The following DNAJB6 variants were observed in gnomAD, a reference collection of about 807,000 sequenced individuals.
DNAJB6 encodes the protein DnaJ heat shock protein family (Hsp40) member B6, also known as dnaJ homolog subfamily B member 6.
A neutral mutation model predicts 42.7 loss-of-function variants in DNAJB6; 16 were observed. That is an observed-to-expected ratio of 0.37 (90% CI 0.25 to 0.57). The LOEUF (loss-of-function observed/expected upper bound fraction) is 0.57, where lower values mean the gene tolerates loss of function less well. Ranked by LOEUF, DNAJB6 falls within the 20% of genes least tolerant of loss-of-function variation. The pLI, the probability that DNAJB6 is intolerant of heterozygous loss-of-function variation, is 0.74. For synonymous variants in DNAJB6, 170 were observed against 163.5 expected (o/e 1.04, Z -0.30); for missense variants, 347 against 416.8 (o/e 0.83, Z 1.46).
At chr7:157,344,019 T>C (rs899852344) in intron 1 of DNAJB6, among the ~76,000 whole-genome samples, 2 of 152,152 alleles carry the variant, frequency 1.3e-5, no homozygotes, top group African/African-American at 4.8e-5. Context: ...GTTAATAGTT[T>C]AAAGAAGTTT....
At chr7:157,369,095 A>G in intron 5 of DNAJB6, 1 of 365,146 alleles carries the variant, frequency 2.7e-6, no homozygotes, top group East Asian at 7.3e-5. Context: ...AAGCATTTTC[A>G]GGGAAACTGA....
intron 1 of DNAJB6, among the ~76,000 whole-genome samples, chr7:157,346,864 T>C (rs867079168): frequency 6.6e-6 from 1 of 151,020 alleles, no homozygotes; most frequent in Middle Eastern, 3.4e-3. Context: ...CTTTTTTTTC[T>C]TGTTTTCTTG....
rs1437799511 is a variant in DNAJB6, at chr7:157,382,378, G to T, written c.478+1G>T. 8 of 1,605,514 alleles carry T rather than the reference G, an allele frequency of 5.0e-6. No individual in the cohort carries two copies. The highest frequency in any genetic ancestry group is 1.3e-5 in the African/African-American group (1 of 74,140). Reference sequence around the variant, plus strand: ...AGTGGATTTTCTTCTTTTGATACAGGTATTAAATCCCTAGGTTTAATCTCT... The same window carrying T: ...AGTGGATTTTCTTCTTTTGATACAGTTATTAAATCCCTAGGTTTAATCTCT... On this transcript the variant is annotated splice_donor_variant, in intron 6 of 9. Coordinates refer to ENST00000262177, the MANE Select transcript of DNAJB6 (RefSeq NM_058246.4). LOFTEE classifies it high-confidence loss of function.
chr7:157,406,321 T>A (rs775132336), intron 8 of DNAJB6, among the ~76,000 whole-genome samples: 12 of 152,220 alleles, frequency 7.9e-5, no homozygotes, highest in Non-Finnish European at 1.5e-4. Flanking sequence ...TCATCTTCTT[T>A]CCTCAAGTCA....
At chr7:157,400,238 G>A (rs1801784476) in intron 8 of DNAJB6, among the ~76,000 whole-genome samples, 1 of 149,904 alleles carries the variant, frequency 6.7e-6, no homozygotes, top group African/African-American at 2.5e-5. Flanking sequence ...GCGCCTTTGT[G>A]TATGTGCTCG....
At chr7:157,397,424 A>G (rs1279937840) in intron 8 of DNAJB6, among the ~76,000 whole-genome samples, 4 of 152,192 alleles carry the variant, frequency 2.6e-5, no homozygotes, top group Admixed American at 2.0e-4. Context: ...TGGTGTGTTC[A>G]GCTCTGACAT....
intron 8 of DNAJB6, among the ~76,000 whole-genome samples, chr7:157,395,773 C>T (rs1368014306): frequency 5.3e-5 from 8 of 150,542 alleles, no homozygotes; most frequent in African/African-American, 1.5e-4. Context: ...CAACCTCTGC[C>T]TCCCTAGTAG....
intron 2 of DNAJB6, among the ~76,000 whole-genome samples, chr7:157,361,778 A>C (rs149732756): frequency 6.6e-6 from 1 of 151,840 alleles, no homozygotes; most frequent in Non-Finnish European, 1.5e-5. Flanking sequence ...TCATTCATGC[A>C]TTCATGTTGA....
chr7:157,398,040 C>T (rs1000710134), intron 8 of DNAJB6, among the ~76,000 whole-genome samples: 5 of 152,240 alleles, frequency 3.3e-5, no homozygotes, highest in Non-Finnish European at 7.3e-5. Flanking sequence ...GTTCAGCCTT[C>T]GTACCTGCTC....
At chr7:157,382,683 G>A (rs976908651) in intron 6 of DNAJB6, 1 of 182,636 alleles carries the variant, frequency 5.5e-6, no homozygotes, top group African/African-American at 2.4e-5. Context: ...AAGTAACGCA[G>A]TTGGAAAATC....
chr7:157,381,996 G>C (rs1800803750), intron 5 of DNAJB6: 1 of 326,338 alleles, frequency 3.1e-6, no homozygotes. Flanking sequence ...TGTATGTGCT[G>C]TTTTTTTAAT....
chr7:157,387,498 A>G (rs1801128402), intron 8 of DNAJB6, among the ~76,000 whole-genome samples: 1 of 152,236 alleles, frequency 6.6e-6, no homozygotes, highest in African/African-American at 2.4e-5. Flanking sequence ...AGATACTTGG[A>G]CTAAGGCGTT....
At chr7:157,348,187 G>A (rs1169423411) in intron 1 of DNAJB6, among the ~76,000 whole-genome samples, 5 of 151,518 alleles carry the variant, frequency 3.3e-5, no homozygotes, top group South Asian at 4.2e-4. Context: ...CTGCCTCCCG[G>A]GTTCAAGCGA....
chr7:157,385,513 G>T (rs979837703), intron 7 of DNAJB6, 28 bp from the exon 8 acceptor site: 2 of 1,607,464 alleles, frequency 1.2e-6, no homozygotes, highest in African/African-American at 1.3e-5. Flanking sequence ...TTACCAGAAA[G>T]GTTTTTAAAT....
chr7:157,386,020 A>G (rs1256172548), intron 8 of DNAJB6: 2 of 993,654 alleles, frequency 2.0e-6, no homozygotes, highest in Admixed American at 1.2e-4. Flanking sequence ...CCTGCTGTGA[A>G]GTTAACATTG....
chr7:157,337,464 CCGGCTGGGGCT>C (rs1050515334), intron 1 of DNAJB6: 16 of 150,430 alleles, frequency 1.1e-4, no homozygotes, highest in Non-Finnish European at 1.5e-4. Flanking sequence ...CTGGGAGCGG[CCGGCTGGGGCT>C]CGGCTGGGGC....
At position 157,367,663 on chromosome 7, in the gene DNAJB6, C is replaced by T. The variant is rs112203337; in HGVS notation, c.346+180C>T. Among the ~76,000 whole-genome samples, 3,236 of 152,214 alleles carry T rather than the reference C, an allele frequency of 0.021. 139 individuals are homozygous for T. The highest frequency in any genetic ancestry group is 0.18 in the East Asian group (924 of 5,164). On this transcript the variant is annotated intron_variant, in intron 5 of 9. Transcript: ENST00000262177. ...ATCACCTGAGGTTGGGAGTTCAAGA[C>T]CAGCCTGACCAACATGGAGAAGCCA...
At chr7:157,391,210 A>G (rs1469506590) in intron 8 of DNAJB6, among the ~76,000 whole-genome samples, 2 of 152,198 alleles carry the variant, frequency 1.3e-5, no homozygotes, top group African/African-American at 2.4e-5. Context: ...GGGTGTGGTC[A>G]TCAGGGAACT....
chr7:157,387,506 G>A (rs928191919), intron 8 of DNAJB6, among the ~76,000 whole-genome samples: 2 of 152,198 alleles, frequency 1.3e-5, no homozygotes, highest in Non-Finnish European at 2.9e-5. Flanking sequence ...GGACTAAGGC[G>A]TTTTATATTT....
Sources: gnomAD v4.1 joint callset for allele counts (sites outside exome capture counted in the v4.1 genomes callset) on GRCh38, gnomAD v4.1.1 for gene constraint, MANE v1.5 for transcripts, NCBI Gene and HGNC (gene_info 2026-07-23, HGNC 2026-07-21) for gene names.